Variants in OPCML observed in about 807,000 individuals in gnomAD.
OPCML encodes the protein opioid-binding protein/cell adhesion molecule.
OPCML carries 13 observed loss-of-function variants against 37.8 expected under a neutral mutation model. The observed-to-expected ratio is 0.34, with a 90% CI of 0.22 to 0.55. OPCML has a LOEUF of 0.55. Ranked by LOEUF, OPCML falls within the 20% of genes least tolerant of loss-of-function variation. OPCML has a pLI of 0.91. For synonymous variants in OPCML, 176 were observed against 168.8 expected, an observed-to-expected ratio of 1.04 and a Z score of -0.33; for missense variants, 341 against 435.6, an observed-to-expected ratio of 0.78 and a Z score of 1.93.
chr11:133,161,455 T>A (rs1160384254), intron 1 of OPCML, among the ~76,000 whole-genome samples: 1 of 152,090 alleles, frequency 6.6e-6, no homozygotes, highest in Non-Finnish European at 1.5e-5. Flanking sequence ...AGTAATAGCA[T>A]GGACAGGAGC....
chr11:132,890,877 A>G (rs980052906), intron 2 of OPCML, among the ~76,000 whole-genome samples: 3 of 151,326 alleles, frequency 2.0e-5, no homozygotes, highest in African/African-American at 7.3e-5. Flanking sequence ...AAAAAAAGAA[A>G]AAAAAAGAAA....
intron 2 of OPCML, among the ~76,000 whole-genome samples, chr11:132,708,424 A>T (rs184790277): frequency 1.3e-5 from 2 of 152,336 alleles, no homozygotes; most frequent in Admixed American, 1.3e-4. Flanking sequence ...GAAACTCTCA[A>T]ATGTCAATAA....
chr11:132,759,171 G>A (rs1408534175), intron 2 of OPCML, among the ~76,000 whole-genome samples: 3 of 152,144 alleles, frequency 2.0e-5, no homozygotes, highest in African/African-American at 4.8e-5. Context: ...TGGTGGGTAA[G>A]CTTTTTGATG....
chr11:133,201,447 G>A (rs1055471192), intron 1 of OPCML, among the ~76,000 whole-genome samples: 2 of 152,014 alleles, frequency 1.3e-5, no homozygotes, highest in African/African-American at 4.8e-5. Flanking sequence ...ATGGTCAAAC[G>A]TTTTGATGAA....
At position 133,043,077 on chromosome 11, in the gene OPCML, A is replaced by G. The variant is rs144983523; in HGVS notation, c.62-100067T>C. Among the ~76,000 whole-genome samples the G allele has an allele frequency of 3.7e-3, 564 of 152,094 alleles. 2 individuals are homozygous for G. Among genetic ancestry groups the G allele is most frequent in the Non-Finnish European group, 5.6e-3 (382 of 68,000 alleles). On this transcript the variant is annotated intron_variant, in intron 1 of 7. Transcript: ENST00000524381. ...CTGTCGACTCACCCAGCACAAACAC[A>G]CTTGGACCCCTGGGCAGCCAGGTCG...
At chr11:132,900,834 G>A (rs1944035529) in intron 2 of OPCML, among the ~76,000 whole-genome samples, 1 of 152,162 alleles carries the variant, frequency 6.6e-6, no homozygotes, top group Non-Finnish European at 1.5e-5. Context: ...GGCAGTTCTA[G>A]GTGGCTCTCC....
intron 1 of OPCML, among the ~76,000 whole-genome samples, chr11:133,373,446 T>TATATATATATATATATATATATAC (rs1482064315): frequency 1.4e-4 from 18 of 133,314 alleles, no homozygotes; most frequent in Admixed American, 3.8e-4. Flanking sequence ...TATATATATA[T>TATATATATATATATATATATATAC]ATACACACAC....
chr11:132,533,340 G>C (rs906011440), intron 3 of OPCML, among the ~76,000 whole-genome samples: 2 of 152,096 alleles, frequency 1.3e-5, no homozygotes, highest in Admixed American at 6.6e-5. Flanking sequence ...GTAATAGCTA[G>C]GCAGAAGAAA....
intron 2 of OPCML, among the ~76,000 whole-genome samples, chr11:132,886,900 C>T (rs1943444663): frequency 6.6e-6 from 1 of 152,172 alleles, no homozygotes; most frequent in South Asian, 2.1e-4. Context: ...GCCCCGCTCG[C>T]AGAATGCCAG....
At chr11:132,961,151 C>T (rs911061971) in intron 1 of OPCML, among the ~76,000 whole-genome samples, 3 of 152,104 alleles carry the variant, frequency 2.0e-5, no homozygotes, top group Non-Finnish European at 4.4e-5. Flanking sequence ...CAGGGAGTCC[C>T]AAAAATAGTT....
chr11:132,613,141 C>T (rs944643669), intron 3 of OPCML, among the ~76,000 whole-genome samples: 1 of 152,274 alleles, frequency 6.6e-6, no homozygotes, highest in African/African-American at 2.4e-5. Context: ...GGGATGTCAC[C>T]CTTTCTGCTC....
Position 133,205,455 on chromosome 11 carries a change from G to T in OPCML, c.62-262445C>A, listed in dbSNP as rs761628431. On this transcript the variant is annotated intron_variant, in intron 1 of 7. Coordinates refer to ENST00000524381, the MANE Select transcript of OPCML (RefSeq NM_001012393.5). The surrounding 1 kb of genome is among the most constrained non-coding windows in gnomAD (Gnocchi z 4.8). ...ACCTGAAGAGGTGGGGGCTGGGAAC[G>T]CTGATCAGCAGCACTGGTCCCAACC... 3.3e-5 allele frequency among the ~76,000 whole-genome samples: 5 copies of T among 152,180 alleles called. No homozygotes were observed. The highest frequency in any genetic ancestry group is 1.2e-4 in the African/African-American group (5 of 41,438).
chr11:133,427,211 CAA>C lies in OPCML; in HGVS notation c.61+105051_61+105052del, dbSNP rs1319059569. 2.6e-5 allele frequency among the ~76,000 whole-genome samples: 4 copies of C among 151,998 alleles called. No individual in the cohort carries two copies. In the South Asian group the frequency reaches 6.2e-4, roughly 24 times the overall value. On this transcript the variant is annotated intron_variant, in intron 1 of 7. Coordinates refer to ENST00000524381, the MANE Select transcript of OPCML (RefSeq NM_001012393.5). The stretch of plus-strand genomic sequence containing the variant: ...TTATAAAACCTAATCTACCATATCA[CAA>C]AAAAGGCATCAATAAATTCTTAGTA...
chr11:133,025,192 G>T (rs1565403770), intron 1 of OPCML: 1 of 566,122 alleles, frequency 1.8e-6, no homozygotes, highest in South Asian at 7.7e-5. Flanking sequence ...CGCAAATATG[G>T]GGTGACTTAT....
chr11:133,502,244 A>G (rs1452034119), intron 1 of OPCML, among the ~76,000 whole-genome samples: 1 of 152,146 alleles, frequency 6.6e-6, no homozygotes, highest in Non-Finnish European at 1.5e-5. Flanking sequence ...TGTGTTCTCT[A>G]CAAAGTGAGA....
chr11:133,290,566 TAGTC>T (rs1009320542), intron 1 of OPCML, among the ~76,000 whole-genome samples: 3 of 152,148 alleles, frequency 2.0e-5, no homozygotes, highest in Non-Finnish European at 1.5e-5. Context: ...CCACCCTCCA[TAGTC>T]AGAGGCACTG....
intron 1 of OPCML, among the ~76,000 whole-genome samples, chr11:133,499,139 C>T (rs149801237): frequency 5.9e-5 from 9 of 152,226 alleles, no homozygotes; most frequent in Non-Finnish European, 8.8e-5. Flanking sequence ...GCTGAAAAGC[C>T]GTCCAGCTCC....
intron 2 of OPCML, among the ~76,000 whole-genome samples, chr11:132,775,827 T>A (rs1946789974): frequency 1.3e-5 from 2 of 152,224 alleles, no homozygotes; most frequent in African/African-American, 4.8e-5. Context: ...ATGGCAGAAA[T>A]GCTACCTGCC....
chr11:132,810,226 A>G (rs1939262658), intron 2 of OPCML, among the ~76,000 whole-genome samples: 3 of 152,162 alleles, frequency 2.0e-5, no homozygotes, highest in South Asian at 4.1e-4. Context: ...AAAGGAAACC[A>G]TGGAATCGTG....
Sources: gnomAD v4.1 joint callset for allele counts (sites outside exome capture counted in the v4.1 genomes callset) on GRCh38, gnomAD v4.1.1 for gene constraint, Gnocchi (gnomAD v3.1) non-coding constraint, MANE v1.5 for transcripts, NCBI Gene and HGNC (gene_info 2026-07-23, HGNC 2026-07-21) for gene names.